The following COMMD10 variants were observed in gnomAD, a reference collection of about 807,000 sequenced individuals.
COMMD10 encodes the protein COMM domain containing 10, also known as COMM domain-containing protein 10.
A neutral mutation model predicts 28.9 loss-of-function variants in COMMD10; 33 were observed. That is an observed-to-expected ratio of 1.14 (90% confidence interval 0.87 to 1.53). The LOEUF (loss-of-function observed/expected upper bound fraction) is 1.53, where lower values mean the gene tolerates loss of function less well. COMMD10 is among the 40% of genes most tolerant of loss of function. The probability of loss-of-function intolerance (pLI) is 0.00; values close to 1 mark genes in which losing one functional copy is unlikely to be tolerated. For synonymous variants in COMMD10, 110 were observed against 81.7 expected (o/e 1.35, Z -1.87); for missense variants, 310 against 233.4 (o/e 1.33, Z -2.14).
At chr5:116,130,752 A>G (rs1751838072) in intron 4 of COMMD10, among the ~76,000 whole-genome samples, 1 of 152,062 alleles carries the variant, frequency 6.6e-6, no homozygotes, top group Non-Finnish European at 1.5e-5. Context: ...GTCTTGATTA[A>G]CATGAGGTTT....
At position 116,225,353 on chromosome 5, in the gene COMMD10, G is replaced by GTTTTTTTTTTTTTTTTTTTTT. The variant is rs143964154; in HGVS notation, c.511-66164_511-66163insTTTTTTTTTTTTTTTTTTTTT. ...AGACTTTCCTGTTTGTTTTTTTGGG[G>GTTTTTTTTTTTTTTTTTTTTT]ATTTTTTTTTTTTTTTTTGCATATG... On this transcript the variant is annotated intron_variant, in intron 5 of 6. Coordinates refer to ENST00000274458, the MANE Select transcript of COMMD10 (RefSeq NM_016144.4). 1.2e-4 allele frequency among the ~76,000 whole-genome samples: 14 copies of GTTTTTTTTTTTTTTTTTTTTT among 116,512 alleles called. 4 individuals are homozygous for GTTTTTTTTTTTTTTTTTTTTT. Among genetic ancestry groups the GTTTTTTTTTTTTTTTTTTTTT allele is most frequent in the South Asian group, 2.7e-4 (1 of 3,708 alleles). The allele number at this position is 116,512 out of a possible 152,430, so 76.4% of individuals were successfully genotyped here.
intron 4 of COMMD10, among the ~76,000 whole-genome samples, chr5:116,104,988 A>G (rs964834669): frequency 6.6e-6 from 1 of 152,030 alleles, no homozygotes; most frequent in Non-Finnish European, 1.5e-5. Flanking sequence ...AACTTCCAAT[A>G]CTGTGTTGAA....
rs1014131607 is a variant in COMMD10 at position 116,125,689 on chromosome 5, A to G, written c.400-8379A>G. 4.6e-5 allele frequency among the ~76,000 whole-genome samples: 7 copies of G among 152,210 alleles called. No individual in the cohort carries two copies. The South Asian group carries it at 6.2e-4, about 14-fold the overall frequency. On this transcript the variant is annotated intron_variant, in intron 4 of 6. Transcript: ENST00000274458. ...CTCCCTGTCACTTTCAGGTGCACCA[A>G]TCAGATATAGATTTGGTCTTTTCAC...
At chr5:116,204,305 ATCTT>A (rs1489595104) in intron 5 of COMMD10, among the ~76,000 whole-genome samples, 2 of 152,154 alleles carry the variant, frequency 1.3e-5, no homozygotes, top group Admixed American at 6.6e-5. Flanking sequence ...ACTTTAAATT[ATCTT>A]TCTATTTCAC....
chr5:116,197,137 C>T (rs995321283), intron 5 of COMMD10, among the ~76,000 whole-genome samples: 1 of 152,048 alleles, frequency 6.6e-6, no homozygotes, highest in African/African-American at 2.4e-5. Context: ...GGGGTTGCCT[C>T]ATCAAATTTT....
intron 5 of COMMD10, among the ~76,000 whole-genome samples, chr5:116,254,591 C>T (rs922813131): frequency 6.6e-5 from 10 of 151,570 alleles, no homozygotes; most frequent in African/African-American, 2.2e-4. Context: ...GTTCAGTTTC[C>T]ATGTAGTTGA....
At chr5:116,202,011 A>G (rs996892997) in intron 5 of COMMD10, among the ~76,000 whole-genome samples, 28 of 149,510 alleles carry the variant, frequency 1.9e-4, no homozygotes, top group Middle Eastern at 6.8e-3. Flanking sequence ...AGCATTAGGT[A>G]TATCTCCTAA....
chr5:116,211,745 A>G (rs1046303849), intron 5 of COMMD10, among the ~76,000 whole-genome samples: 3 of 152,102 alleles, frequency 2.0e-5, no homozygotes, highest in East Asian at 1.9e-4. Flanking sequence ...ATAAATGTCT[A>G]TTTGCAGCTA....
chr5:116,248,815 A>G (rs1462403947), intron 5 of COMMD10, among the ~76,000 whole-genome samples: 4 of 151,966 alleles, frequency 2.6e-5, no homozygotes, highest in Admixed American at 2.6e-4. Flanking sequence ...ATCCGGAAAT[A>G]TACTGACAAA....
chr5:116,224,782 G>A (rs1749350653), intron 5 of COMMD10, among the ~76,000 whole-genome samples: 1 of 152,194 alleles, frequency 6.6e-6, no homozygotes, highest in African/African-American at 2.4e-5. Flanking sequence ...TATTGTTGAT[G>A]AAGTATTTGT....
chr5:116,181,252 G>C (rs566440171), intron 5 of COMMD10, among the ~76,000 whole-genome samples: 2 of 152,008 alleles, frequency 1.3e-5, no homozygotes, highest in South Asian at 2.1e-4. Flanking sequence ...GAGATCTCTG[G>C]AAGTAGTATG....
At chr5:116,232,814 CTT>C (rs1035761305) in intron 5 of COMMD10, among the ~76,000 whole-genome samples, 11 of 152,250 alleles carry the variant, frequency 7.2e-5, no homozygotes, top group African/African-American at 1.4e-4. Flanking sequence ...GTTGGGTACT[CTT>C]TTAATTGCTT....
chr5:116,123,898 G>T lies in COMMD10; in HGVS notation c.400-10170G>T, dbSNP rs181435408. On this transcript the variant is annotated intron_variant, in intron 4 of 6. Coordinates refer to ENST00000274458, the MANE Select transcript of COMMD10 (RefSeq NM_016144.4). ...TTCTCTGATGGTAGTTTGCATTTCT[G>T]TGGGATTGGTGGTGATATCCCCTTT... Among the ~76,000 whole-genome samples, 801 of 149,316 alleles carry T rather than the reference G, an allele frequency of 5.4e-3. 2 individuals carry two copies. The highest frequency in any genetic ancestry group is 9.3e-3 in the Non-Finnish European group (629 of 67,358).
chr5:116,088,414 G>A (rs1443486917), intron 2 of COMMD10, among the ~76,000 whole-genome samples: 2 of 151,956 alleles, frequency 1.3e-5, no homozygotes, highest in African/African-American at 2.4e-5. Flanking sequence ...GCTTTCTACT[G>A]CTTCATAATA....
intron 5 of COMMD10, among the ~76,000 whole-genome samples, chr5:116,138,892 T>G (rs1455325156): frequency 6.6e-6 from 1 of 151,714 alleles, no homozygotes; most frequent in Non-Finnish European, 1.5e-5. Flanking sequence ...ACACATAGTA[T>G]CACTTCTTTT....
chr5:116,163,350 C>T (rs1330560466), intron 5 of COMMD10, among the ~76,000 whole-genome samples: 24 of 149,122 alleles, frequency 1.6e-4, no homozygotes, highest in Non-Finnish European at 5.9e-5. Flanking sequence ...TTTGGGAGGC[C>T]GAGGCAGGTG....
At chr5:116,154,843 G>A (rs1752654319) in intron 5 of COMMD10, among the ~76,000 whole-genome samples, 1 of 151,578 alleles carries the variant, frequency 6.6e-6, no homozygotes, top group South Asian at 2.1e-4. Flanking sequence ...GGAATTTAGG[G>A]TCTCACTTTA....
Position 116,271,226 on chromosome 5 carries a change from A to C in COMMD10, c.511-20291A>C, listed in dbSNP as rs550708150. Among the ~76,000 whole-genome samples, 158 of 148,694 alleles carry C rather than the reference A, an allele frequency of 1.1e-3. 1 individual carries two copies. The highest frequency in any genetic ancestry group is 3.9e-3 in the African/African-American group (158 of 40,432). ...TTTTAATAAACATAAACATGGGGAA[A>C]ATTCACATGATAGTAAAAACAATTT... On this transcript the variant is annotated intron_variant, in intron 5 of 6. Coordinates refer to ENST00000274458, the MANE Select transcript of COMMD10 (RefSeq NM_016144.4).
intron 5 of COMMD10, among the ~76,000 whole-genome samples, chr5:116,181,735 G>T (rs1031845455): frequency 1.3e-5 from 2 of 151,642 alleles, no homozygotes; most frequent in African/African-American, 2.4e-5. Flanking sequence ...TGAGAAGGAA[G>T]GTTTTTTAAT....
Sources: allele counts gnomAD v4.1 joint callset (sites outside exome capture counted in the v4.1 genomes callset), GRCh38; gene constraint gnomAD v4.1.1; transcripts MANE v1.5; gene names NCBI Gene and HGNC (gene_info 2026-07-23, HGNC 2026-07-21).